The following CLIC5 variants were observed in gnomAD, a reference collection of about 807,000 sequenced individuals.
CLIC5 encodes CLIC family member 5.
In CLIC5, 20 loss-of-function variants were observed where a neutral mutation model predicts 24.7. The ratio of observed to expected loss-of-function variants is 0.81; its 90% CI spans 0.57 to 1.18. CLIC5 has a LOEUF of 1.18. Among genes scored for constraint, CLIC5 ranks in the 50% most tolerant of loss-of-function variants. The pLI is 0.00. For synonymous variants in CLIC5, 159 were observed against 135.6 expected (o/e 1.17, Z -1.20); for missense variants, 341 against 326.1 (o/e 1.05, Z -0.35).
At chr6:45,897,972 C>CA (rs10948264), downstream of CLIC5, among the ~76,000 whole-genome samples, 8,272 of 143,382 alleles carry the variant, frequency 0.058, 532 homozygotes, top group African/African-American at 0.16. Flanking sequence ...TTTAGTCTTG[C>CA]AAAAAAAAAA....
intron 1 of CLIC5, among the ~76,000 whole-genome samples, chr6:45,970,534 T>C (rs1008942017): frequency 6.6e-6 from 1 of 152,018 alleles, no homozygotes; most frequent in Admixed American, 6.5e-5. Context: ...TGTACTCCCA[T>C]AAAAAAATAA....
chr6:46,043,577 T>G (rs1411049527), intron 1 of CLIC5, among the ~76,000 whole-genome samples: 4 of 152,180 alleles, frequency 2.6e-5, no homozygotes, highest in Non-Finnish European at 2.9e-5. Context: ...CTTTTTATAT[T>G]GAGGTGGAGA....
At chr6:45,898,080 T>A (rs1762420802), downstream of CLIC5, among the ~76,000 whole-genome samples, 1 of 152,204 alleles carries the variant, frequency 6.6e-6, no homozygotes, top group Admixed American at 6.5e-5. Flanking sequence ...TGTTTTGCTT[T>A]GTTTGAGAGG....
At chr6:46,005,773 TATC>T (rs1482412994) in intron 1 of CLIC5, among the ~76,000 whole-genome samples, 1 of 151,500 alleles carries the variant, frequency 6.6e-6, no homozygotes, top group Non-Finnish European at 1.5e-5. Flanking sequence ...AGAATAGAGT[TATC>T]CTCCTCCACA....
chr6:45,982,268 C>T (rs1314585684), intron 1 of CLIC5, among the ~76,000 whole-genome samples: 1 of 152,056 alleles, frequency 6.6e-6, no homozygotes, highest in African/African-American at 2.4e-5. Flanking sequence ...TGGGGCCTGT[C>T]CTTGCTGCTC....
chr6:46,024,371 C>T (rs769488116), intron 1 of CLIC5, among the ~76,000 whole-genome samples: 2 of 152,134 alleles, frequency 1.3e-5, no homozygotes, highest in Non-Finnish European at 1.5e-5. Context: ...GGCACATGAT[C>T]AACTGGGATC....
chr6:46,116,863 C>T, the CLIC5 span, among the ~76,000 whole-genome samples: 2 of 152,138 alleles, frequency 1.3e-5, no homozygotes, highest in African/African-American at 4.8e-5. Flanking sequence ...GCATCCACTG[C>T]AGGGCTCAGT....
chr6:46,006,184 G>T (rs1438355840), intron 1 of CLIC5, among the ~76,000 whole-genome samples: 2 of 128,712 alleles, frequency 1.6e-5, no homozygotes, highest in African/African-American at 5.9e-5. Context: ...TTGCCCTATC[G>T]CCCAGCCTGG....
rs193198180 is a variant in CLIC5 at position 46,041,301 on chromosome 6, C to A, written c.540+38402G>T. Among the ~76,000 whole-genome samples, 191 of 152,280 alleles carry A rather than the reference C, an allele frequency of 1.3e-3. 4 individuals carry two copies. The South Asian group carries it at 0.029, about 23-fold the overall frequency. Reference sequence around the variant, plus strand: ...AAATAAGTTTAACTGCTATACCTTGCATTGCATGCAAGAAAAACCAACACC... The same window carrying A: ...AAATAAGTTTAACTGCTATACCTTGAATTGCATGCAAGAAAAACCAACACC... On this transcript the variant is annotated intron_variant, in intron 1 of 5. Transcript: ENST00000185206.
intron 1 of CLIC5, among the ~76,000 whole-genome samples, chr6:45,956,562 A>G (rs1332886410): frequency 6.7e-6 from 1 of 149,290 alleles, no homozygotes; most frequent in African/African-American, 2.5e-5. Flanking sequence ...TTGTTTTGCT[A>G]TGGCATTCAG....
At chr6:45,988,852 A>G (rs1281904369) in intron 1 of CLIC5, among the ~76,000 whole-genome samples, 2 of 152,206 alleles carry the variant, frequency 1.3e-5, no homozygotes, top group East Asian at 3.9e-4. Flanking sequence ...GGTTTCTGCC[A>G]GACTCCGACC....
At chr6:46,089,536 C>T in the CLIC5 span, among the ~76,000 whole-genome samples, 1 of 152,096 alleles carries the variant, frequency 6.6e-6, no homozygotes, top group Non-Finnish European at 1.5e-5. Context: ...TGCCTGGATA[C>T]TCACACCTCG....
Position 45,903,164 on chromosome 6 carries a change from A to C in CLIC5, c.680T>G (p.Phe227Cys), listed in dbSNP as rs1237934407. The change falls in exon 6 of 6, where the codon TTC becomes TGC. Residue 227 changes from phenylalanine (F) to cysteine (C), a missense_variant. Coordinates refer to ENST00000339561, the MANE Select transcript of CLIC5 (RefSeq NM_016929.5). The part of the protein sequence containing the change: ...YLKNAYARDE[F>C]TNTCAADSEI... ...ACTGTCAGCTGCACAGGTGTTGGTG[A>C]ACTCATCACGGGCATAGGCGTTCTT... 5 of 1,614,136 alleles carry C rather than the reference A, an allele frequency of 3.1e-6. No homozygotes were observed. In the Admixed American group the frequency reaches 6.7e-5, roughly 22 times the overall value.
chr6:46,115,536 C>G, the CLIC5 span, among the ~76,000 whole-genome samples: 1 of 152,098 alleles, frequency 6.6e-6, no homozygotes, highest in African/African-American at 2.4e-5. Context: ...AAGAGTTACA[C>G]TAATTAAAAC....
At chr6:46,017,218 C>G (rs1581867999), upstream of CLIC5, among the ~76,000 whole-genome samples, 1 of 152,152 alleles carries the variant, frequency 6.6e-6, no homozygotes, top group East Asian at 1.9e-4. Context: ...TTCTCTTTGT[C>G]TTCTTTGCCT....
At chr6:45,949,172 T>C in intron 3 of CLIC5, 84 bp downstream of exon 3, 1 of 1,501,496 alleles carries the variant, frequency 6.7e-7, no homozygotes, top group Non-Finnish European at 8.9e-7. Flanking sequence ...TGGAAATGCA[T>C]CTGCCCGAAG....
intron 3 of CLIC5, among the ~76,000 whole-genome samples, chr6:45,948,736 T>G (rs1369796144): frequency 6.6e-6 from 1 of 152,170 alleles, no homozygotes; most frequent in Non-Finnish European, 1.5e-5. Flanking sequence ...CTGAACCTGT[T>G]TGCAGAAGAG....
At chr6:46,068,128 C>T (rs904435020) in intron 1 of CLIC5, among the ~76,000 whole-genome samples, 6 of 152,052 alleles carry the variant, frequency 3.9e-5, no homozygotes, top group Non-Finnish European at 8.8e-5. Context: ...CGTGATGCAA[C>T]CACAAGCCAA....
At chr6:45,930,867 G>A (rs759880370) in intron 4 of CLIC5, among the ~76,000 whole-genome samples, 2 of 152,140 alleles carry the variant, frequency 1.3e-5, no homozygotes, top group South Asian at 2.1e-4. Flanking sequence ...CCATATTACC[G>A]TTGAGGAGGC....
Sources: allele counts gnomAD v4.1 joint callset (sites outside exome capture counted in the v4.1 genomes callset), GRCh38; gene constraint gnomAD v4.1.1; transcripts MANE v1.5; gene names NCBI Gene and HGNC (gene_info 2026-07-23, HGNC 2026-07-21).